The following HKDC1 variants were observed in gnomAD, a reference collection of about 807,000 sequenced individuals.
The protein encoded by HKDC1 is hexokinase domain containing 1.
In HKDC1, 66 loss-of-function variants were observed where a neutral mutation model predicts 96.6. The observed-to-expected ratio is 0.68, with a 90% confidence interval of 0.56 to 0.84. HKDC1 has a LOEUF of 0.84. HKDC1 is among the 40% of genes least tolerant of loss of function. The pLI is 0.00. For synonymous variants in HKDC1, 466 were observed against 473.1 expected, an observed-to-expected ratio of 0.98 and a Z score of 0.20; for missense variants, 1,211 against 1,208.1, an observed-to-expected ratio of 1.00 and a Z score of -0.04.
At chr10:69,246,641 G>A (rs1482593344) in intron 8 of HKDC1, among the ~76,000 whole-genome samples, 1 of 152,222 alleles carries the variant, frequency 6.6e-6, no homozygotes, top group African/African-American at 2.4e-5. Flanking sequence ...TGGAATCCAA[G>A]TCCAGAACTC....
At position 69,267,415 on chromosome 10, in the gene HKDC1, A is replaced by G; in HGVS notation, c.*658A>G. ...TTTTGTTCCTTATTAAGTGTGTGCCATGTGGTGGGGTGCTGTCTGGGGCAT... is the reference window on the plus strand; with the variant it reads ...TTTTGTTCCTTATTAAGTGTGTGCCGTGTGGTGGGGTGCTGTCTGGGGCAT... On this transcript the variant is annotated 3_prime_UTR_variant, in exon 18 of 18. Transcript: ENST00000354624. The G allele has an allele frequency of 2.3e-6, 1 of 443,976 alleles. No individual in the cohort carries two copies. The highest frequency in any genetic ancestry group is 4.5e-6 in the Non-Finnish European group (1 of 224,120). 27.5% of individuals were successfully genotyped at this position (443,976 alleles called of 1,614,324 possible). A position where few individuals can be genotyped will look rare whatever the true frequency, so the allele number is the denominator to read the frequency against.
intron 1 of HKDC1, among the ~76,000 whole-genome samples, chr10:69,226,728 T>G (rs761026845): frequency 5.9e-5 from 9 of 152,150 alleles, no homozygotes; most frequent in Non-Finnish European, 1.3e-4. Context: ...AGCTCTGAGC[T>G]TCCTAGCAGC....
chr10:69,243,808 A>G (rs1843494338), intron 7 of HKDC1, among the ~76,000 whole-genome samples: 1 of 152,286 alleles, frequency 6.6e-6, no homozygotes, highest in East Asian at 1.9e-4. Flanking sequence ...CATTACAACA[A>G]ATTTATAAGG....
chr10:69,227,680 C>T (rs1449989520), intron 2 of HKDC1, among the ~76,000 whole-genome samples: 1 of 152,166 alleles, frequency 6.6e-6, no homozygotes, highest in Admixed American at 6.5e-5. Context: ...GTGGTCCCTG[C>T]CTCCATCTAG....
Position 69,243,377 on chromosome 10 carries a change from T to C in HKDC1, c.875+12T>C, listed in dbSNP as rs1294956161. On this transcript the variant is annotated intron_variant, in intron 7 of 17. Coordinates refer to ENST00000354624, the MANE Select transcript of HKDC1 (RefSeq NM_025130.4). ...CCAGGAAAGCAACTGTGAGTTCCCTTCTGGTGTTATCTGGGCATCGGCACC... is the reference window on the plus strand; with the variant it reads ...CCAGGAAAGCAACTGTGAGTTCCCTCCTGGTGTTATCTGGGCATCGGCACC... The C allele has an allele frequency of 1.9e-6, 3 of 1,548,486 alleles. No individual in the cohort carries two copies. Among genetic ancestry groups the C allele is most frequent in the Middle Eastern group, 3.5e-4 (2 of 5,708 alleles).
chr10:69,248,676 G>A lies in HKDC1; in HGVS notation c.1518G>A (p.Leu506=), dbSNP rs770281397. The A allele has an allele frequency of 2.5e-6, 4 of 1,613,956 alleles. No homozygotes were observed. The highest frequency in any genetic ancestry group is 1.1e-5 in the South Asian group (1 of 91,074). The change falls in exon 10 of 18, where the codon CTG becomes CTA. Residue 506 remains leucine (L), a synonymous_variant. Transcript: ENST00000354624. ...EYGLKKKSHG[L]ATVRMLPTYV... ...GGCTGAAGAAGAAGAGCCACGGGCTGGCCACGGTCAGGATGCTGCCCACCT... is the reference window on the plus strand; with the variant it reads ...GGCTGAAGAAGAAGAGCCACGGGCTAGCCACGGTCAGGATGCTGCCCACCT...
At chr10:69,225,149 C>A (rs181071607) in intron 1 of HKDC1, among the ~76,000 whole-genome samples, 1 of 152,292 alleles carries the variant, frequency 6.6e-6, no homozygotes, top group East Asian at 1.9e-4. Flanking sequence ...TCGCAAATGA[C>A]CCCAACTGGG....
At chr10:69,241,338 C>T (rs367822152) in intron 6 of HKDC1, among the ~76,000 whole-genome samples, 1 of 151,994 alleles carries the variant, frequency 6.6e-6, no homozygotes, top group East Asian at 1.9e-4. Context: ...GAGTCGGAGG[C>T]CATTCAAGTG....
chr10:69,233,759 G>A (rs1460073224), intron 4 of HKDC1, among the ~76,000 whole-genome samples: 1 of 152,072 alleles, frequency 6.6e-6, no homozygotes, highest in Non-Finnish European at 1.5e-5. Flanking sequence ...TTAGCTGGGT[G>A]TGGTGCCGGG....
intron 9 of HKDC1, 64 bp downstream of exon 9, chr10:69,247,657 TTC>T: frequency 7.7e-7 from 1 of 1,296,600 alleles, no homozygotes; most frequent in Non-Finnish European, 1.1e-6. Context: ...CCCCAGTGTC[TTC>T]TGGACTATCC....
chr10:69,230,833 G>A (rs1843246490), intron 2 of HKDC1, among the ~76,000 whole-genome samples: 1 of 152,162 alleles, frequency 6.6e-6, no homozygotes, highest in Non-Finnish European at 1.5e-5. Context: ...TGACCAGGCT[G>A]GTGTTGAACT....
At chr10:69,263,423 T>C (rs1034261414) in intron 16 of HKDC1, among the ~76,000 whole-genome samples, 1 of 150,930 alleles carries the variant, frequency 6.6e-6, no homozygotes, top group Non-Finnish European at 1.5e-5. Flanking sequence ...AAAAGCTTCA[T>C]GGAATAAAAA....
At chr10:69,263,021 G>A (rs1224607227) in intron 16 of HKDC1, among the ~76,000 whole-genome samples, 1 of 152,004 alleles carries the variant, frequency 6.6e-6, no homozygotes, top group East Asian at 1.9e-4. Context: ...CTGCACAAGA[G>A]GTGTCTGTTT....
chr10:69,252,599 C>T (rs182289170), intron 12 of HKDC1, among the ~76,000 whole-genome samples: 37 of 146,136 alleles, frequency 2.5e-4, no homozygotes, highest in African/African-American at 7.0e-4. Context: ...GAGCTGAGAT[C>T]GTGCCACTGC....
At chr10:69,259,396 G>A in intron 15 of HKDC1, among the ~76,000 whole-genome samples, 1 of 152,368 alleles carries the variant, frequency 6.6e-6, no homozygotes, top group Middle Eastern at 3.4e-3. Context: ...CGACCATGAT[G>A]TCATGTCCCA....
intron 1 of HKDC1, chr10:69,225,993 G>A (rs999442919): frequency 5.9e-5 from 9 of 152,296 alleles, no homozygotes; most frequent in Non-Finnish European, 1.3e-4. Flanking sequence ...TCACCTGGAG[G>A]GTGGAGAGTG....
Position 69,240,728 on chromosome 10 carries a change from A to C in HKDC1, c.668A>C (p.Tyr223Ser). The change falls in exon 6 of 18, where the codon TAC (tyrosine) becomes TCC (serine). Residue 223 changes from tyrosine (Y) to serine (S), a missense_variant. Physicochemically the swap from Tyr to Ser is moderately radical, Grantham distance 144. Coordinates refer to ENST00000354624, the MANE Select transcript of HKDC1 (RefSeq NM_025130.4). ...ATGACCTGTGCCTATGACGACCCCT[A>C]CTGCGAAGTTGGTGTCATCATCGGT... is the stretch of plus-strand genomic sequence containing the variant. The part of the protein sequence containing the change: ...TMMTCAYDDP[Y>S]CEVGVIIGTG... The C allele has an allele frequency of 6.2e-7, 1 of 1,614,002 alleles. No individual in the cohort carries two copies. Among genetic ancestry groups the C allele is most frequent in the Non-Finnish European group, 8.5e-7 (1 of 1,179,932 alleles).
chr10:69,233,815 G>C (rs539086026), intron 4 of HKDC1, among the ~76,000 whole-genome samples: 2 of 150,732 alleles, frequency 1.3e-5, no homozygotes, highest in South Asian at 4.2e-4. Flanking sequence ...GGAGAATGGC[G>C]TGAACCCGGG....
At chr10:69,222,975 A>T (rs886202565) in intron 1 of HKDC1, 7 of 152,136 alleles carry the variant, frequency 4.6e-5, no homozygotes, top group African/African-American at 1.7e-4. Flanking sequence ...ATCCTGGGCC[A>T]GCGGTGCCTG....
Sources: gnomAD v4.1 joint callset for allele counts (sites outside exome capture counted in the v4.1 genomes callset) on GRCh38, gnomAD v4.1.1 for gene constraint, MANE v1.5 for transcripts, NCBI Gene and HGNC (gene_info 2026-07-23, HGNC 2026-07-21) for gene names.